MARCHF1: variants seen among roughly 807,000 people sequenced by gnomAD.
MARCHF1 encodes membrane associated ring-CH-type finger 1.
MARCHF1 carries 40 observed loss-of-function variants against 54.2 expected under a neutral mutation model. That is an observed-to-expected ratio of 0.74 (90% CI 0.57 to 0.96). The LOEUF (loss-of-function observed/expected upper bound fraction) is 0.96. MARCHF1 is among the 40% of genes least tolerant of loss of function. The pLI is 0.00. For missense variants in MARCHF1, 586 were observed against 656.5 expected (o/e 0.89, Z 1.17); for synonymous variants, 236 against 236.3 (o/e 1.00, Z 0.01).
intron 4 of MARCHF1, among the ~76,000 whole-genome samples, chr4:163,769,290 T>C (rs779552435): frequency 2.0e-5 from 3 of 152,194 alleles, no homozygotes; most frequent in Non-Finnish European, 2.9e-5. Context: ...ACACTGCTCA[T>C]TCATTTTTAT....
At chr4:163,901,791 TC>T (rs1394229038) in intron 3 of MARCHF1, among the ~76,000 whole-genome samples, 1 of 152,182 alleles carries the variant, frequency 6.6e-6, no homozygotes, top group African/African-American at 2.4e-5. Flanking sequence ...TCCCCTTTTA[TC>T]CTATCTACTG....
chr4:164,034,104 T>TAGATAGAC (rs70948692), intron 2 of MARCHF1, among the ~76,000 whole-genome samples: 26,240 of 141,766 alleles, frequency 0.19, 3,193 homozygotes, highest in South Asian at 0.22. Context: ...GATAGATAGA[T>TAGATAGAC]AGATAGATAG....
chr4:164,309,351 C>T (rs1410809349), intron 1 of MARCHF1, among the ~76,000 whole-genome samples: 1 of 151,780 alleles, frequency 6.6e-6, no homozygotes, highest in Non-Finnish European at 1.5e-5. Flanking sequence ...GCGCTCCCTG[C>T]CACATTTCAG....
rs149148814 is a variant in MARCHF1 at position 163,729,336 on chromosome 4, G to A, written c.112-28473C>T. Among the ~76,000 whole-genome samples the A allele has an allele frequency of 2.8e-3, 425 of 152,110 alleles. 3 individuals carry two copies. The highest frequency in any genetic ancestry group is 9.8e-3 in the African/African-American group (407 of 41,532). On this transcript the variant is annotated intron_variant, in intron 4 of 9. Coordinates refer to ENST00000514618, the MANE Select transcript of MARCHF1 (RefSeq NM_001394959.1). Reference sequence around the variant, plus strand: ...GTGTACTCTCTACTTCTATCTCCTGGAAGAGATTGTACAGAATTCTTATAA... The same window carrying A: ...GTGTACTCTCTACTTCTATCTCCTGAAAGAGATTGTACAGAATTCTTATAA...
chr4:164,315,862 C>T (rs1734983319), intron 1 of MARCHF1, among the ~76,000 whole-genome samples: 1 of 152,082 alleles, frequency 6.6e-6, no homozygotes, highest in Admixed American at 6.5e-5. Context: ...AAACATCAAC[C>T]TGATTTTAGA....
At chr4:163,935,123 A>G (rs979298199) in intron 3 of MARCHF1, among the ~76,000 whole-genome samples, 3 of 152,122 alleles carry the variant, frequency 2.0e-5, no homozygotes, top group Non-Finnish European at 4.4e-5. Context: ...AGAGTCATCT[A>G]GGATTTGTTG....
Position 163,927,614 on chromosome 4 carries a change from A to C in MARCHF1, c.-39+60887T>G, listed in dbSNP as rs75537982. On this transcript the variant is annotated intron_variant, in intron 3 of 9. Transcript: ENST00000514618. ...AAGAAATAACTTTTCCAGCACTGAAATGAAACAGGTTGCCTGGTTAGCTTG... is the reference window on the plus strand; with the variant it reads ...AAGAAATAACTTTTCCAGCACTGAACTGAAACAGGTTGCCTGGTTAGCTTG... Among the ~76,000 whole-genome samples, 518 of 151,944 alleles carry C rather than the reference A, an allele frequency of 3.4e-3. 6 individuals carry two copies. Among genetic ancestry groups the C allele is most frequent in the African/African-American group, 0.011 (474 of 41,548 alleles).
intron 1 of MARCHF1, among the ~76,000 whole-genome samples, chr4:164,202,947 C>A (rs1731495225): frequency 6.6e-6 from 1 of 152,078 alleles, no homozygotes; most frequent in African/African-American, 2.4e-5. Flanking sequence ...TGGTGAAACA[C>A]ATACAAATGT....
At chr4:164,116,011 T>C (rs1049449355) in intron 1 of MARCHF1, among the ~76,000 whole-genome samples, 20 of 152,130 alleles carry the variant, frequency 1.3e-4, no homozygotes, top group Non-Finnish European at 2.5e-4. Context: ...TTGGCTATCA[T>C]TGATCTTTTT....
At chr4:164,055,523 T>C (rs1043766765) in intron 2 of MARCHF1, among the ~76,000 whole-genome samples, 4 of 151,788 alleles carry the variant, frequency 2.6e-5, no homozygotes, top group African/African-American at 9.7e-5. Flanking sequence ...AGCCTTTCTC[T>C]CCCCGAAAAT....
chr4:163,762,051 T>C (rs189539550), intron 4 of MARCHF1, among the ~76,000 whole-genome samples: 272 of 152,292 alleles, frequency 1.8e-3, no homozygotes, highest in Middle Eastern at 0.01. Context: ...AAGCACCCTG[T>C]TTTATAGAAA....
chr4:163,594,957 A>G (rs1740714956), intron 7 of MARCHF1, among the ~76,000 whole-genome samples: 1 of 152,240 alleles, frequency 6.6e-6, no homozygotes, highest in Non-Finnish European at 1.5e-5. Flanking sequence ...AAGTATCCAG[A>G]AGAATTGAAA....
chr4:164,053,789 G>A (rs1754424034), intron 2 of MARCHF1, among the ~76,000 whole-genome samples: 1 of 152,134 alleles, frequency 6.6e-6, no homozygotes, highest in Non-Finnish European at 1.5e-5. Context: ...TTGAAAAAGT[G>A]CAGCAATAAA....
chr4:163,837,260 G>C (rs1446533735), intron 4 of MARCHF1, among the ~76,000 whole-genome samples: 1 of 152,016 alleles, frequency 6.6e-6, no homozygotes, highest in East Asian at 1.9e-4. Context: ...CACACAAGTA[G>C]AAAGTGTCAA....
At chr4:163,632,430 T>G (rs1174589977) in intron 5 of MARCHF1, among the ~76,000 whole-genome samples, 1 of 152,166 alleles carries the variant, frequency 6.6e-6, no homozygotes, top group Non-Finnish European at 1.5e-5. Flanking sequence ...ATTGCCTCAC[T>G]CAGGAAGCGC....
chr4:164,293,441 G>A (rs1309800160), intron 1 of MARCHF1, among the ~76,000 whole-genome samples: 8 of 152,104 alleles, frequency 5.3e-5, no homozygotes, highest in African/African-American at 9.7e-5. Context: ...TTTTTCTGTC[G>A]ATAAATACTG....
chr4:163,877,218 A>G (rs779940432), intron 3 of MARCHF1, among the ~76,000 whole-genome samples: 1 of 152,122 alleles, frequency 6.6e-6, no homozygotes, highest in South Asian at 2.1e-4. Context: ...TTTCATCCCT[A>G]CTGAAAAGTT....
chr4:163,790,764 A>T (rs556482073), intron 4 of MARCHF1, among the ~76,000 whole-genome samples: 1 of 152,074 alleles, frequency 6.6e-6, no homozygotes, highest in Non-Finnish European at 1.5e-5. Flanking sequence ...GCATAAGTGG[A>T]ATGAGAAGTA....
rs1176179275 is a variant in MARCHF1, at chr4:164,179,528, A to C, written c.-322-67866T>G. 2.0e-5 allele frequency among the ~76,000 whole-genome samples: 3 copies of C among 152,320 alleles called. No individual in the cohort carries two copies. The East Asian group carries it at 5.8e-4, about 29-fold the overall frequency. ...CTAAAGCGGTACAGAAACCACTGAAAATACAATTTGCCTAATTAATGTCAG... is the reference window on the plus strand; with the variant it reads ...CTAAAGCGGTACAGAAACCACTGAACATACAATTTGCCTAATTAATGTCAG... On this transcript the variant is annotated intron_variant, in intron 1 of 9. Transcript: ENST00000514618.
Sources: allele counts gnomAD v4.1 joint callset (sites outside exome capture counted in the v4.1 genomes callset), GRCh38; gene constraint gnomAD v4.1.1; transcripts MANE v1.5; gene names NCBI Gene and HGNC (gene_info 2026-07-23, HGNC 2026-07-21).